PHACTR1: variants seen among roughly 807,000 people sequenced by gnomAD.
The protein encoded by PHACTR1 is phosphatase and actin regulator 1.
PHACTR1 carries 16 observed loss-of-function variants against 69.2 expected under a neutral mutation model. That is an observed-to-expected ratio of 0.23 (90% CI 0.16 to 0.35). PHACTR1 has a LOEUF of 0.35. Ranked by LOEUF, PHACTR1 falls within the 10% of genes least tolerant of loss-of-function variation. The pLI is 1.00. For synonymous variants in PHACTR1, 312 were observed against 284.5 expected, an observed-to-expected ratio of 1.10 and a Z score of -0.97; for missense variants, 510 against 734.7, an observed-to-expected ratio of 0.69 and a Z score of 3.54.
chr6:12,840,190 G>T (rs541225071), intron 4 of PHACTR1, among the ~76,000 whole-genome samples: 7 of 152,074 alleles, frequency 4.6e-5, no homozygotes, highest in Admixed American at 2.0e-4. Flanking sequence ...ACTGATCAAG[G>T]GGATCTGATT....
chr6:12,828,340 A>C (rs996710349), intron 4 of PHACTR1, among the ~76,000 whole-genome samples: 3 of 152,214 alleles, frequency 2.0e-5, no homozygotes, highest in African/African-American at 7.2e-5. Context: ...ATATGTATTC[A>C]GTATAAAAAA....
At chr6:12,784,900 G>T (rs1220494032) in intron 4 of PHACTR1, among the ~76,000 whole-genome samples, 1 of 151,376 alleles carries the variant, frequency 6.6e-6, no homozygotes, top group Non-Finnish European at 1.5e-5. Context: ...GTAGAGATGG[G>T]GTTTCTCCAT....
chr6:12,969,798 C>T (rs1177128365), intron 4 of PHACTR1, among the ~76,000 whole-genome samples: 1 of 152,072 alleles, frequency 6.6e-6, no homozygotes, highest in Non-Finnish European at 1.5e-5. Flanking sequence ...CCCATCTCTA[C>T]TAAAAATACA....
chr6:13,152,613 CA>C (rs1824481034), intron 5 of PHACTR1, among the ~76,000 whole-genome samples: 1 of 152,158 alleles, frequency 6.6e-6, no homozygotes, highest in African/African-American at 2.4e-5. Context: ...TTTAGAACAA[CA>C]AAGTGGAACA....
At chr6:12,755,857 A>G (rs181504703) in intron 4 of PHACTR1, among the ~76,000 whole-genome samples, 36 of 152,306 alleles carry the variant, frequency 2.4e-4, no homozygotes, top group African/African-American at 7.7e-4. Context: ...GGGAAGGTAA[A>G]CATGTGGGCA....
intron 4 of PHACTR1, among the ~76,000 whole-genome samples, chr6:13,015,704 CATT>C (rs1800081582): frequency 6.6e-6 from 1 of 152,132 alleles, no homozygotes; most frequent in African/African-American, 2.4e-5. Flanking sequence ...TTACAAATGT[CATT>C]ATGAGTGCTG....
At chr6:13,056,610 G>A (rs1163943598) in intron 5 of PHACTR1, among the ~76,000 whole-genome samples, 1 of 152,198 alleles carries the variant, frequency 6.6e-6, no homozygotes, top group Non-Finnish European at 1.5e-5. Context: ...ACCACTGAAA[G>A]AAGGATAGGG....
In PHACTR1 at chr6:13,276,872, CAACA is replaced by C. The variant is rs369894863; in HGVS notation, c.1448-1392_1448-1389del. Reference sequence around the variant, plus strand: ...CCTGAATTGCATGTGTGCACCAATACAACAAACTAATGAAGTTACCAAAATATAA... The same window carrying C: ...CCTGAATTGCATGTGTGCACCAATACAACTAATGAAGTTACCAAAATATAA... On this transcript the variant is annotated intron_variant, in intron 11 of 14. Transcript: ENST00000332995. Among the ~76,000 whole-genome samples the C allele has an allele frequency of 2.1e-3, 317 of 152,308 alleles. 1 individual carries two copies. The highest frequency in any genetic ancestry group is 3.6e-3 in the Non-Finnish European group (247 of 68,034).
intron 5 of PHACTR1, among the ~76,000 whole-genome samples, chr6:13,076,825 T>TA (rs1349584944): frequency 9.9e-5 from 15 of 151,420 alleles, no homozygotes; most frequent in Admixed American, 9.9e-4. Flanking sequence ...AAAGGAATGA[T>TA]AGAAGGAACT....
intron 5 of PHACTR1, among the ~76,000 whole-genome samples, chr6:13,064,052 T>TA (rs762918220): frequency 1.3e-5 from 2 of 152,152 alleles, no homozygotes; most frequent in Non-Finnish European, 2.9e-5. Context: ...ATTGTGTTGG[T>TA]AATGAGAGAA....
intron 5 of PHACTR1, among the ~76,000 whole-genome samples, chr6:13,130,169 A>G (rs1820190388): frequency 6.6e-6 from 1 of 152,152 alleles, no homozygotes; most frequent in African/African-American, 2.4e-5. Context: ...CAAAGAGGAC[A>G]GTTCATAGCC....
intron 5 of PHACTR1, among the ~76,000 whole-genome samples, chr6:13,115,422 C>T (rs1681224372): frequency 6.6e-6 from 1 of 152,146 alleles, no homozygotes; most frequent in South Asian, 2.1e-4. Flanking sequence ...ACTTATCAGT[C>T]TTCATTGCAC....
rs552591713 is a variant in PHACTR1, at chr6:13,245,811, G to A, written c.1391+15618G>A. Among the ~76,000 whole-genome samples the A allele has an allele frequency of 6.0e-4, 92 of 152,144 alleles. No individual in the cohort carries two copies. The highest frequency in any genetic ancestry group is 1.9e-3 in the African/African-American group (78 of 41,508). On this transcript the variant is annotated intron_variant, in intron 10 of 14. Coordinates refer to ENST00000332995, the MANE Select transcript of PHACTR1 (RefSeq NM_030948.6). The surrounding 1 kb of genome is among the most constrained non-coding windows in gnomAD (Gnocchi z 4.1). ...GGTTTTAAGTCTTTTAATCTATCTC[G>A]AGTTGATTTTTGTATATGGTGTAAG...
chr6:12,850,101 C>G (rs1175652874), intron 4 of PHACTR1, among the ~76,000 whole-genome samples: 1 of 152,176 alleles, frequency 6.6e-6, no homozygotes, highest in African/African-American at 2.4e-5. Flanking sequence ...TGGACTGAAA[C>G]TTGGAATCGT....
chr6:13,066,856 T>A (rs1808728607), intron 5 of PHACTR1, among the ~76,000 whole-genome samples: 1 of 152,170 alleles, frequency 6.6e-6, no homozygotes, highest in Non-Finnish European at 1.5e-5. Flanking sequence ...AATAAGATGC[T>A]TCCATGCCTT....
intron 5 of PHACTR1, among the ~76,000 whole-genome samples, chr6:13,110,865 G>A (rs2127903618): frequency 6.6e-6 from 1 of 152,208 alleles, no homozygotes; most frequent in Non-Finnish European, 1.5e-5. Flanking sequence ...TATCATGGCT[G>A]GAAGCTGAAA....
chr6:13,284,667 C>G (rs1234870335), intron 13 of PHACTR1, among the ~76,000 whole-genome samples: 1 of 149,530 alleles, frequency 6.7e-6, no homozygotes, highest in East Asian at 2.0e-4. Context: ...GCCTTCTGCT[C>G]AACAGTCCTG....
chr6:13,004,952 T>G (rs1798601796), intron 4 of PHACTR1, among the ~76,000 whole-genome samples: 1 of 151,974 alleles, frequency 6.6e-6, no homozygotes, highest in African/African-American at 2.4e-5. Flanking sequence ...TACAATACTA[T>G]ATAACATTTG....
chr6:12,876,560 C>A (rs1322985099), intron 4 of PHACTR1, among the ~76,000 whole-genome samples: 1 of 152,170 alleles, frequency 6.6e-6, no homozygotes, highest in African/African-American at 2.4e-5. Flanking sequence ...TCAGGGAGGA[C>A]TTCTCCTGCA....
Sources: allele counts gnomAD v4.1 joint callset (sites outside exome capture counted in the v4.1 genomes callset), GRCh38; gene constraint gnomAD v4.1.1; non-coding constraint Gnocchi (gnomAD v3.1); transcripts MANE v1.5; gene names NCBI Gene and HGNC (gene_info 2026-07-23, HGNC 2026-07-21).